EHMT1: variants seen among roughly 807,000 people sequenced by gnomAD.
EHMT1 encodes euchromatic histone lysine methyltransferase 1.
A neutral mutation model predicts 147.2 loss-of-function variants in EHMT1; 15 were observed. The ratio of observed to expected loss-of-function variants is 0.10; its 90% CI spans 0.07 to 0.16. EHMT1 has a LOEUF of 0.16. Ranked by LOEUF, EHMT1 falls within the 10% of genes least tolerant of loss-of-function variation. The probability of loss-of-function intolerance (pLI) is 1.00; values close to 1 mark genes in which losing one functional copy is unlikely to be tolerated. For synonymous variants in EHMT1, 795 were observed against 709.6 expected, an observed-to-expected ratio of 1.12 and a Z score of -1.91; for missense variants, 1,587 against 1,772.4, an observed-to-expected ratio of 0.90 and a Z score of 1.88.
chr9:137,768,368 T>TC (rs397893355), intron 10 of EHMT1, among the ~76,000 whole-genome samples: 4 of 146,070 alleles, frequency 2.7e-5, no homozygotes, highest in Admixed American at 6.8e-5. Context: ...TTTTTTTTTT[T>TC]CTGAGACAGA....
At chr9:137,624,708 C>T (rs899529755) in intron 1 of EHMT1, among the ~76,000 whole-genome samples, 5 of 151,734 alleles carry the variant, frequency 3.3e-5, no homozygotes, top group East Asian at 1.9e-4. Context: ...ATGATCCATC[C>T]GCCTCAGCCT....
chr9:137,711,456 G>C (rs895066272), intron 2 of EHMT1, among the ~76,000 whole-genome samples: 1 of 152,178 alleles, frequency 6.6e-6, no homozygotes, highest in Non-Finnish European at 1.5e-5. Flanking sequence ...CAGCATGACT[G>C]ACGCCGCGCC....
At chr9:137,824,313 C>A (rs1351232290) in intron 25 of EHMT1, among the ~76,000 whole-genome samples, 1 of 152,162 alleles carries the variant, frequency 6.6e-6, no homozygotes, top group Non-Finnish European at 1.5e-5. Flanking sequence ...ACCACTAGTT[C>A]TGCTTATACC....
At chr9:137,781,108 C>T (rs372841770) in intron 14 of EHMT1, among the ~76,000 whole-genome samples, 2 of 41,970 alleles carry the variant, frequency 4.8e-5, no homozygotes, top group Non-Finnish European at 8.4e-5. Context: ...GTGGTGATGA[C>T]GCTGAGATGT....
chr9:137,730,590 C>T (rs935715308), intron 4 of EHMT1, among the ~76,000 whole-genome samples: 39 of 152,238 alleles, frequency 2.6e-4, no homozygotes, highest in Non-Finnish European at 1.2e-4. Context: ...CGCCCCCAGC[C>T]TGTCTGTCTG....
intron 1 of EHMT1, among the ~76,000 whole-genome samples, chr9:137,677,773 T>C (rs1454688792): frequency 6.6e-6 from 1 of 151,908 alleles, no homozygotes; most frequent in South Asian, 2.1e-4. Flanking sequence ...AAAATAGTAT[T>C]GTCAGCCGAG....
At chr9:137,662,446 C>A (rs543552704) in intron 1 of EHMT1, among the ~76,000 whole-genome samples, 12 of 152,200 alleles carry the variant, frequency 7.9e-5, no homozygotes, top group African/African-American at 2.4e-4. Flanking sequence ...GATCTGCTTA[C>A]CATGGCCTCT....
At chr9:137,803,949 T>A (rs964401160) in intron 18 of EHMT1, among the ~76,000 whole-genome samples, 1 of 152,122 alleles carries the variant, frequency 6.6e-6, no homozygotes, top group African/African-American at 2.4e-5. Flanking sequence ...TACCTAAGAC[T>A]GTAATTTATA....
intron 1 of EHMT1, among the ~76,000 whole-genome samples, chr9:137,645,478 C>T (rs1441065159): frequency 6.6e-6 from 1 of 152,202 alleles, no homozygotes; most frequent in African/African-American, 2.4e-5. Context: ...ATGGCGTCTG[C>T]CTTGTACTTA....
chr9:137,809,402 T>C (rs1001876894), intron 18 of EHMT1, among the ~76,000 whole-genome samples: 3 of 152,174 alleles, frequency 2.0e-5, no homozygotes, highest in Non-Finnish European at 4.4e-5. Flanking sequence ...GTCCCTGGGA[T>C]GTGGCGGCGG....
intron 4 of EHMT1, among the ~76,000 whole-genome samples, chr9:137,733,002 G>C (rs577847565): frequency 6.6e-6 from 1 of 152,158 alleles, no homozygotes; most frequent in South Asian, 2.1e-4. Flanking sequence ...TGGTTTCAAC[G>C]TGCATTGTAC....
chr9:137,715,780 A>G, intron 2 of EHMT1: 1 of 985,132 alleles, frequency 1.0e-6, no homozygotes, highest in Non-Finnish European at 1.2e-6. Flanking sequence ...CCTTTTTCTG[A>G]CCCATTTTCT....
At chr9:137,746,828 G>A (rs924745097) in intron 6 of EHMT1, 3 of 152,114 alleles carry the variant, frequency 2.0e-5, no homozygotes, top group East Asian at 1.9e-4. Context: ...TCTATTTCTC[G>A]ATTCTCTCTT....
chr9:137,655,579 C>T (rs1162774276), intron 1 of EHMT1, among the ~76,000 whole-genome samples: 1 of 152,160 alleles, frequency 6.6e-6, no homozygotes, highest in East Asian at 1.9e-4. Flanking sequence ...GCAGGGGTCC[C>T]CAAACTCCAG....
At chr9:137,772,689 C>A (rs1950669017) in intron 10 of EHMT1, among the ~76,000 whole-genome samples, 1 of 152,224 alleles carries the variant, frequency 6.6e-6, no homozygotes, top group Non-Finnish European at 1.5e-5. Flanking sequence ...ACAGCACCTC[C>A]CTGTGGTGGG....
intron 1 of EHMT1, among the ~76,000 whole-genome samples, chr9:137,703,177 G>GC (rs1247089283): frequency 6.6e-6 from 1 of 152,202 alleles, no homozygotes; most frequent in African/African-American, 2.4e-5. Flanking sequence ...CCTGGGTCTG[G>GC]CCCACAAAAC....
At chr9:137,724,257 G>C (rs1946369305) in intron 3 of EHMT1, among the ~76,000 whole-genome samples, 1 of 152,128 alleles carries the variant, frequency 6.6e-6, no homozygotes, top group African/African-American at 2.4e-5. Flanking sequence ...ACTCACCCTG[G>C]TGCACAGCCC....
At chr9:137,682,093 G>A (rs543828417) in intron 1 of EHMT1, among the ~76,000 whole-genome samples, 2 of 152,046 alleles carry the variant, frequency 1.3e-5, no homozygotes, top group Admixed American at 1.3e-4. Flanking sequence ...TGGGACTACA[G>A]GCGCCCCCAC....
chr9:137,831,480 T>C (rs890581250), intron 25 of EHMT1, among the ~76,000 whole-genome samples: 2 of 152,264 alleles, frequency 1.3e-5, no homozygotes, highest in African/African-American at 2.4e-5. Flanking sequence ...TACCTGTCAT[T>C]AGGCAAATCT....
Sources: gnomAD v4.1 joint callset for allele counts (sites outside exome capture counted in the v4.1 genomes callset) on GRCh38, gnomAD v4.1.1 for gene constraint, MANE v1.5 for transcripts, NCBI Gene and HGNC (gene_info 2026-07-23, HGNC 2026-07-21) for gene names.